The following MAP3K7 variants were observed in gnomAD, a reference collection of about 807,000 sequenced individuals.
The protein encoded by MAP3K7 is TGF-beta activated kinase 1.
Under a neutral mutation model 84.8 loss-of-function variants are expected in MAP3K7, and 21 were observed. That is an observed-to-expected ratio of 0.25 (90% CI 0.18 to 0.36). MAP3K7 has a LOEUF of 0.36. Ranked by LOEUF, MAP3K7 falls within the 10% of genes least tolerant of loss-of-function variation. The pLI is 1.00. For synonymous variants in MAP3K7, 241 were observed against 247.7 expected (o/e 0.97, Z 0.25); for missense variants, 503 against 747.7 (o/e 0.67, Z 3.82).
At chr6:90,584,654 A>C (rs1777383268) in intron 1 of MAP3K7, among the ~76,000 whole-genome samples, 1 of 152,182 alleles carries the variant, frequency 6.6e-6, no homozygotes, top group African/African-American at 2.4e-5. Context: ...TGAATCAAGA[A>C]TGTAAAAAGC....
At chr6:90,559,271 A>G (rs895520095) in intron 5 of MAP3K7, among the ~76,000 whole-genome samples, 2 of 152,128 alleles carry the variant, frequency 1.3e-5, no homozygotes, top group Non-Finnish European at 2.9e-5. Flanking sequence ...TTGCACCCAG[A>G]AGGGATGTTT....
intron 11 of MAP3K7, 53 bp from the exon 12 acceptor site, chr6:90,544,685 C>G: frequency 7.1e-7 from 1 of 1,404,738 alleles, no homozygotes; most frequent in Non-Finnish European, 1.0e-6. Flanking sequence ...AACAGTAACA[C>G]GGAAAATGAT....
At chr6:90,560,504 G>A (rs898314743) in intron 4 of MAP3K7, among the ~76,000 whole-genome samples, 1 of 152,166 alleles carries the variant, frequency 6.6e-6, no homozygotes, top group African/African-American at 2.4e-5. Flanking sequence ...TGGGACTACA[G>A]GCGTGTGCCA....
chr6:90,526,382 A>G (rs763698341), intron 13 of MAP3K7, among the ~76,000 whole-genome samples: 26 of 152,166 alleles, frequency 1.7e-4, no homozygotes, highest in African/African-American at 6.0e-4. Context: ...AAATTTCAGT[A>G]TCATAACTTA....
At chr6:90,560,304 G>T in intron 4 of MAP3K7, 90 bp from the exon 5 acceptor site, 2 of 1,344,276 alleles carry the variant, frequency 1.5e-6, no homozygotes, top group Non-Finnish European at 2.1e-6. Flanking sequence ...ACACATGACT[G>T]GGTATTTTTC....
At chr6:90,569,653 AT>A (rs1776835997) in intron 2 of MAP3K7, among the ~76,000 whole-genome samples, 1 of 151,906 alleles carries the variant, frequency 6.6e-6, no homozygotes, top group Non-Finnish European at 1.5e-5. Context: ...TAATTTTTGT[AT>A]TTTTTGTAGA....
rs770847584 is a variant in MAP3K7 at position 90,548,460 on chromosome 6, C to T, written c.950-283G>A. ...GAACTGAGGGCTATTAATTGAGATG[C>T]GGAAAGACTAAAGGAAGAGTGAGTT... On this transcript the variant is annotated intron_variant, in intron 9 of 16. Transcript: ENST00000369329. Among the ~76,000 whole-genome samples, 6 of 151,912 alleles carry T rather than the reference C, an allele frequency of 3.9e-5. No homozygotes were observed. In the Middle Eastern group the frequency reaches 0.01, roughly 258 times the overall value.
At chr6:90,544,782 C>A in intron 11 of MAP3K7, 150 bp from the exon 12 acceptor site, 1 of 630,056 alleles carries the variant, frequency 1.6e-6, no homozygotes, top group Non-Finnish European at 2.9e-6. Flanking sequence ...AACTTTTCAT[C>A]CATGCTCAGA....
intron 13 of MAP3K7, among the ~76,000 whole-genome samples, chr6:90,533,757 G>A (rs1402326722): frequency 6.6e-6 from 1 of 152,142 alleles, no homozygotes; most frequent in Non-Finnish European, 1.5e-5. Context: ...ACAGTAACAT[G>A]CTCTAGCTGT....
intron 13 of MAP3K7, among the ~76,000 whole-genome samples, chr6:90,527,373 C>T (rs1775353463): frequency 6.6e-6 from 1 of 152,042 alleles, no homozygotes; most frequent in East Asian, 1.9e-4. Context: ...AGTAATCCTC[C>T]CACCTCAGCC....
rs374740115 is a variant in MAP3K7 at position 90,548,130 on chromosome 6, T to A, written c.997A>T (p.Thr333Ser). 2 of 1,612,324 alleles carry A rather than the reference T, an allele frequency of 1.2e-6. No individual in the cohort carries two copies. Among genetic ancestry groups the A allele is most frequent in the Non-Finnish European group, 8.5e-7 (1 of 1,179,062 alleles). ...ASTNTSNKSDTNMEQVPATND... is the reference protein window; with the variant it reads ...ASTNTSNKSDSNMEQVPATND... The stretch of plus-strand genomic sequence containing the variant: ...GTGGCAGGAACTTGCTCCATATTAG[T>A]GTCACTTTTGTTACTCGTATTTGTA... Residue 333 changes from threonine (T) to serine (S), a missense_variant, in exon 10 of 17, where the codon ACT becomes TCT. Transcript: ENST00000369329.
chr6:90,522,565 T>G (rs1428966707), intron 14 of MAP3K7, among the ~76,000 whole-genome samples: 1 of 152,144 alleles, frequency 6.6e-6, no homozygotes, highest in Non-Finnish European at 1.5e-5. Flanking sequence ...TCTACACATG[T>G]GCTGCGTAGT....
At chr6:90,550,612 TG>T in intron 8 of MAP3K7, 63 bp from the exon 9 acceptor site, 1 of 1,036,936 alleles carries the variant, frequency 9.6e-7, no homozygotes, top group Non-Finnish European at 1.5e-6. Context: ...TCCTGATTAA[TG>T]TTTTATTTTC....
rs1304893620 is a variant in MAP3K7, at chr6:90,536,558, AAAG to A, written c.1292-160_1292-158del. 17 of 594,410 alleles carry A rather than the reference AAAG, an allele frequency of 2.9e-5. No homozygotes were observed. In the Admixed American group the frequency reaches 4.2e-4, roughly 15 times the overall value. The allele number at this position is 594,410 out of a possible 1,614,324, so 36.8% of individuals were successfully genotyped here. On this transcript the variant is annotated intron_variant, in intron 12 of 16. Transcript: ENST00000369329. ...TGAGTTTATTGCTAAGAAAAAAAAA[AAAG>A]AAGAGAAAGATGTAAAGAAAGGAAG...
At position 90,552,127 on chromosome 6, in the gene MAP3K7, C is replaced by A; in HGVS notation, c.789G>T (p.Met263Ile). ...AAGGATCTTTAGACCAACAACGAGT[C>A]ATCAGGCTCTCAATGGGCTTAGGTA... ...KNLPKPIESLMTRCWSKDPSQ... is the reference protein window; with the variant it reads ...KNLPKPIESLITRCWSKDPSQ... Residue 263 changes from methionine (M) to isoleucine (I), a missense_variant, in exon 8 of 17, where the codon ATG (methionine) becomes ATT (isoleucine). This residue lies in a region of MAP3K7 where 286 missense variants were observed against 313.6 expected (regional missense o/e 0.91). Coordinates refer to ENST00000369329, the MANE Select transcript of MAP3K7 (RefSeq NM_145331.3). 1 of 1,613,020 alleles carries A rather than the reference C, an allele frequency of 6.2e-7. No homozygotes were observed. The highest frequency in any genetic ancestry group is 1.1e-5 in the South Asian group (1 of 90,970).
chr6:90,570,000 G>A (rs575978383), intron 2 of MAP3K7, among the ~76,000 whole-genome samples: 10 of 151,902 alleles, frequency 6.6e-5, no homozygotes, highest in South Asian at 2.1e-4. Flanking sequence ...TGGATTTTTC[G>A]TCCAATAGAA....
At chr6:90,542,353 T>A in intron 12 of MAP3K7, 1 of 984,152 alleles carries the variant, frequency 1.0e-6, no homozygotes, top group Non-Finnish European at 1.2e-6. Context: ...ATGTTTGATA[T>A]CTGAGGGGGG....
intron 13 of MAP3K7, among the ~76,000 whole-genome samples, chr6:90,524,055 G>A (rs1270179729): frequency 1.3e-5 from 2 of 152,162 alleles, no homozygotes; most frequent in African/African-American, 4.8e-5. Flanking sequence ...TAAGCTGACA[G>A]CCCTCGGAAT....
intron 12 of MAP3K7, among the ~76,000 whole-genome samples, chr6:90,543,232 A>G (rs1208417540): frequency 1.3e-5 from 2 of 152,082 alleles, no homozygotes; most frequent in African/African-American, 4.8e-5. Flanking sequence ...AATAAAAATT[A>G]CCATGTGAAA....
Sources: gnomAD v4.1 joint callset for allele counts (sites outside exome capture counted in the v4.1 genomes callset) on GRCh38, gnomAD v4.1.1 for gene constraint, gnomAD v4.1.1 regional missense constraint, MANE v1.5 for transcripts, NCBI Gene and HGNC (gene_info 2026-07-23, HGNC 2026-07-21) for gene names.